ULK2: variants seen among roughly 807,000 people sequenced by gnomAD.
ULK2 encodes serine/threonine-protein kinase ULK2.
ULK2 carries 76 observed loss-of-function variants against 127.5 expected under a neutral mutation model. The ratio of observed to expected loss-of-function variants is 0.60; its 90% CI spans 0.50 to 0.72. ULK2 has a LOEUF of 0.72. Ranked by LOEUF, ULK2 falls within the 30% of genes least tolerant of loss-of-function variation. The probability of loss-of-function intolerance (pLI) is 0.00; values close to 1 mark genes in which losing one functional copy is unlikely to be tolerated. For synonymous variants in ULK2, 452 were observed against 461.9 expected (o/e 0.98, Z 0.28); for missense variants, 1,144 against 1,295.9 (o/e 0.88, Z 1.80).
Position 19,795,660 on chromosome 17 carries a change from C to T in ULK2, c.2063G>A (p.Ser688Asn), listed in dbSNP as rs150581848. Reference sequence around the variant, plus strand: ...TCGTTCTGTATTTAAACTGTCTGTGCTGCCCTGATGTCGACATATAGGAGT... The same window carrying T: ...TCGTTCTGTATTTAAACTGTCTGTGTTGCCCTGATGTCGACATATAGGAGT... ...GKTPICRHQGSTDSLNTERPM... is the reference protein window; with the variant it reads ...GKTPICRHQGNTDSLNTERPM... The change falls in exon 20 of 27, where the codon AGC becomes AAC. Residue 688 changes from serine (S) to asparagine (N), a missense_variant. This residue lies in a region of ULK2 where 913 missense variants were observed against 970.5 expected (regional missense o/e 0.94). Transcript: ENST00000395544. 1 of 1,613,980 alleles carries T rather than the reference C, an allele frequency of 6.2e-7. No homozygotes were observed. The highest frequency in any genetic ancestry group is 1.3e-5 in the African/African-American group (1 of 74,912).
At position 19,867,451 on chromosome 17, in the gene ULK2, G is replaced by GGCGGCGCAGT. The variant is rs779793540; in HGVS notation, c.-44_-35dup. The GGCGGCGCAGT allele has an allele frequency of 1.1e-5, 17 of 1,570,924 alleles. No homozygotes were observed. Among genetic ancestry groups the GGCGGCGCAGT allele is most frequent in the African/African-American group, 8.5e-5 (6 of 70,888 alleles). On this transcript the variant is annotated 5_prime_UTR_variant, in exon 1 of 27. Coordinates refer to ENST00000395544, the MANE Select transcript of ULK2 (RefSeq NM_014683.4). ...CCCCGGGGCACACAGCGGACGGGCG[G>GGCGGCGCAGT]GCGGCGCAGTGCGGCGCAGGTATCA...
In ULK2 at chr17:19,867,683, G is replaced by A; in HGVS notation, c.-266C>T. 4.7e-6 allele frequency: 1 copy of A among 213,142 alleles called. No homozygotes were observed. Among genetic ancestry groups the A allele is most frequent in the Non-Finnish European group, 9.2e-6 (1 of 109,000 alleles). 13.2% of individuals were successfully genotyped at this position (213,142 alleles called of 1,614,324 possible). A position where few individuals can be genotyped will look rare whatever the true frequency, so the allele number is the denominator to read the frequency against. ...CGGCCGCTGGCTGTCTGGCGAAGCGGCCTCGGCGCTGCCGGGCCAGGGGTG... is the reference window on the plus strand; with the variant it reads ...CGGCCGCTGGCTGTCTGGCGAAGCGACCTCGGCGCTGCCGGGCCAGGGGTG... On this transcript the variant is annotated 5_prime_UTR_variant, in exon 1 of 27. Transcript: ENST00000395544.
chr17:19,851,822 G>C (rs965879002), intron 3 of ULK2, among the ~76,000 whole-genome samples: 6 of 151,626 alleles, frequency 4.0e-5, no homozygotes, highest in Non-Finnish European at 8.8e-5. Context: ...TCAGGAGTTC[G>C]AGACCTCGAT....
intron 18 of ULK2, among the ~76,000 whole-genome samples, chr17:19,796,904 TC>T (rs2087284254): frequency 1.3e-5 from 2 of 152,328 alleles, no homozygotes; most frequent in African/African-American, 4.8e-5. Flanking sequence ...AGCCTCAATT[TC>T]CTTTTTTCAG....
At chr17:19,807,282 C>A (rs1364493150) in intron 14 of ULK2, among the ~76,000 whole-genome samples, 1 of 152,078 alleles carries the variant, frequency 6.6e-6, no homozygotes, top group African/African-American at 2.4e-5. Context: ...CACACAGGCA[C>A]ACAGCTTGCA....
chr17:19,849,659 A>C, intron 4 of ULK2, 83 bp downstream of exon 4: 2 of 1,024,248 alleles, frequency 2.0e-6, no homozygotes. Flanking sequence ...AAAGGATTTG[A>C]AATATGCAGA....
chr17:19,801,605 G>T (rs992761119), intron 16 of ULK2, among the ~76,000 whole-genome samples, 172 bp downstream of exon 16: 3 of 152,070 alleles, frequency 2.0e-5, no homozygotes, highest in Admixed American at 6.6e-5. Flanking sequence ...AAAGGAAAAA[G>T]AAAAGAAAAG....
At chr17:19,819,833 G>A (rs1291766740) in intron 12 of ULK2, among the ~76,000 whole-genome samples, 2 of 151,922 alleles carry the variant, frequency 1.3e-5, no homozygotes, top group Non-Finnish European at 2.9e-5. Context: ...CTTAGTTCAG[G>A]CTTCGTTCTC....
intron 3 of ULK2, among the ~76,000 whole-genome samples, chr17:19,864,397 C>T (rs2042309916): frequency 2.0e-5 from 3 of 151,978 alleles, no homozygotes; most frequent in African/African-American, 7.3e-5. Context: ...ATCGCTTAAA[C>T]CCGGGAGGTA....
chr17:19,866,827 G>C (rs1421624365), intron 1 of ULK2, among the ~76,000 whole-genome samples: 1 of 152,162 alleles, frequency 6.6e-6, no homozygotes, highest in Non-Finnish European at 1.5e-5. Flanking sequence ...AAAACGGTAC[G>C]GGGGCTCTTC....
intron 3 of ULK2, among the ~76,000 whole-genome samples, chr17:19,852,927 G>A (rs1254783751): frequency 6.6e-6 from 1 of 151,916 alleles, no homozygotes; most frequent in Non-Finnish European, 1.5e-5. Flanking sequence ...TGGGATTACA[G>A]GCGTGAGCCA....
chr17:19,864,704 A>C (rs1295013356), intron 3 of ULK2, 99 bp downstream of exon 3: 5 of 430,182 alleles, frequency 1.2e-5, no homozygotes, highest in Non-Finnish European at 1.5e-5. Context: ...CTTTTCAACA[A>C]GAATTAAGGT....
chr17:19,848,603 C>T (rs2041948107), intron 5 of ULK2, among the ~76,000 whole-genome samples: 1 of 152,178 alleles, frequency 6.6e-6, no homozygotes, highest in Admixed American at 6.5e-5. Context: ...ATGGTGAAAC[C>T]CTGTCTCTAC....
At chr17:19,842,219 CAG>C (rs1393407595) in intron 8 of ULK2, among the ~76,000 whole-genome samples, 1 of 102,896 alleles carries the variant, frequency 9.7e-6, no homozygotes, top group African/African-American at 3.9e-5. Flanking sequence ...TTTTTTGAGA[CAG>C]AGTTTCGCTC....
At chr17:19,818,854 A>G (rs1267257908) in intron 12 of ULK2, among the ~76,000 whole-genome samples, 2 of 130,466 alleles carry the variant, frequency 1.5e-5, no homozygotes, top group Non-Finnish European at 3.1e-5. Flanking sequence ...AGGCTGGAGT[A>G]CAGTGGCATG....
At chr17:19,792,510 G>GT (rs1407601800) in intron 20 of ULK2, among the ~76,000 whole-genome samples, 1 of 152,202 alleles carries the variant, frequency 6.6e-6, no homozygotes, top group Non-Finnish European at 1.5e-5. Context: ...CTCCAGAATG[G>GT]TAAGAAAGTA....
intron 10 of ULK2, among the ~76,000 whole-genome samples, chr17:19,829,838 CAAAAA>C (rs60131689): frequency 6.7e-4 from 81 of 120,618 alleles, no homozygotes; most frequent in African/African-American, 2.8e-3. Flanking sequence ...GACTCCATTT[CAAAAA>C]AAAAAAAAAA....
At chr17:19,852,518 CAAAAA>C (rs1241027121) in intron 3 of ULK2, among the ~76,000 whole-genome samples, 2 of 54,414 alleles carry the variant, frequency 3.7e-5, no homozygotes, top group Non-Finnish European at 4.1e-5. Flanking sequence ...GACTCCATCT[CAAAAA>C]AAAAAAAAAA....
At position 19,848,789 on chromosome 17, in the gene ULK2, A is replaced by T. The variant is rs190089464; in HGVS notation, c.295+580T>A. The stretch of plus-strand genomic sequence containing the variant: ...GAGACTTCATCTCCAAAAAAAAAAA[A>T]GGAAAAAGAAAATACTCTGGAGGCA... On this transcript the variant is annotated intron_variant, in intron 5 of 26. Transcript: ENST00000395544. Among the ~76,000 whole-genome samples, 3 of 151,926 alleles carry T rather than the reference A, an allele frequency of 2.0e-5. No individual in the cohort carries two copies. The East Asian group carries it at 5.8e-4, about 29-fold the overall frequency.
Sources: gnomAD v4.1 joint callset for allele counts (sites outside exome capture counted in the v4.1 genomes callset) on GRCh38, gnomAD v4.1.1 for gene constraint, gnomAD v4.1.1 regional missense constraint, MANE v1.5 for transcripts, NCBI Gene and HGNC (gene_info 2026-07-23, HGNC 2026-07-21) for gene names.